The following ROBO1 variants were observed in gnomAD, a reference collection of about 807,000 sequenced individuals.
ROBO1 encodes the protein roundabout homolog 1.
A neutral mutation model predicts 195.9 loss-of-function variants in ROBO1; 149 were observed. That is an observed-to-expected ratio of 0.76 (90% CI 0.67 to 0.87). The LOEUF is 0.87. Ranked by LOEUF, ROBO1 falls within the 40% of genes least tolerant of loss-of-function variation. The pLI is 0.00. For missense variants in ROBO1, 1,933 were observed against 2,068.3 expected (o/e 0.93, Z 1.27); for synonymous variants, 816 against 733.2 (o/e 1.11, Z -1.82).
intron 2 of ROBO1, among the ~76,000 whole-genome samples, chr3:79,169,657 T>A (rs1373370526): frequency 6.6e-6 from 1 of 152,178 alleles, no homozygotes; most frequent in African/African-American, 2.4e-5. Flanking sequence ...GGTTAAATTG[T>A]GTAAGTACTT....
intron 3 of ROBO1, among the ~76,000 whole-genome samples, chr3:78,975,158 C>A (rs2076857535): frequency 6.6e-6 from 1 of 152,072 alleles, no homozygotes; most frequent in Non-Finnish European, 1.5e-5. Flanking sequence ...ACGGGTCCTG[C>A]CTCTAAAAAG....
chr3:79,100,719 T>C (rs2079660313), intron 3 of ROBO1, among the ~76,000 whole-genome samples: 1 of 151,860 alleles, frequency 6.6e-6, no homozygotes. Flanking sequence ...TGGGCTTTTG[T>C]GCTCATCTGA....
intron 2 of ROBO1, among the ~76,000 whole-genome samples, chr3:79,144,415 T>C (rs2080598115): frequency 6.6e-6 from 1 of 151,972 alleles, no homozygotes; most frequent in South Asian, 2.1e-4. Flanking sequence ...TTGCTTCCTT[T>C]TTCCCCTACT....
intron 2 of ROBO1, among the ~76,000 whole-genome samples, chr3:79,198,721 T>A (rs1246874801): frequency 6.6e-6 from 1 of 152,096 alleles, no homozygotes; most frequent in Non-Finnish European, 1.5e-5. Flanking sequence ...CCTTGAGCAG[T>A]GGTTTGTAGT....
chr3:78,815,700 G>C (rs2084879937), intron 4 of ROBO1, among the ~76,000 whole-genome samples: 1 of 152,092 alleles, frequency 6.6e-6, no homozygotes, highest in African/African-American at 2.4e-5. Context: ...CACTTTCTTT[G>C]CTCATCCATA....
At chr3:79,462,266 C>T (rs766245744) in intron 2 of ROBO1, among the ~76,000 whole-genome samples, 8 of 152,010 alleles carry the variant, frequency 5.3e-5, no homozygotes, top group Admixed American at 1.3e-4. Context: ...CCAGATGCAA[C>T]GGGGCAGAAA....
At chr3:79,566,683 G>A (rs570342329) in intron 2 of ROBO1, among the ~76,000 whole-genome samples, 11 of 152,092 alleles carry the variant, frequency 7.2e-5, no homozygotes, top group South Asian at 4.1e-4. Context: ...ATATAAAACA[G>A]TGATATGCCT....
rs1280537647 is a variant in ROBO1 at position 78,936,562 on chromosome 3, G to C, written c.499+2039C>G. On this transcript the variant is annotated intron_variant, in intron 4 of 30. Transcript: ENST00000464233. The stretch of plus-strand genomic sequence containing the variant: ...AAATGATAGTATCTATACTGAATAT[G>C]TATGGTCTTTTTTTCCCTTGCGATT... Among the ~76,000 whole-genome samples the C allele has an allele frequency of 1.5e-4, 23 of 152,046 alleles. 1 individual carries two copies. Among genetic ancestry groups the C allele is most frequent in the African/African-American group, 2.4e-5 (1 of 41,454 alleles).
chr3:79,211,999 G>C (rs578111022), intron 2 of ROBO1, among the ~76,000 whole-genome samples: 1 of 152,112 alleles, frequency 6.6e-6, no homozygotes, highest in South Asian at 2.1e-4. Context: ...TATTCCTTAC[G>C]GGAAACAAAG....
At chr3:79,633,772 A>G (rs1213870243) in intron 1 of ROBO1, among the ~76,000 whole-genome samples, 2 of 152,050 alleles carry the variant, frequency 1.3e-5, no homozygotes, top group South Asian at 2.1e-4. Context: ...CCCATAGTCA[A>G]TTTTCAAAAT....
At chr3:79,383,622 C>T (rs2036642508) in intron 2 of ROBO1, among the ~76,000 whole-genome samples, 1 of 151,972 alleles carries the variant, frequency 6.6e-6, no homozygotes, top group Admixed American at 6.6e-5. Flanking sequence ...ACTTCCTGCA[C>T]CATGCATTCC....
intron 4 of ROBO1, among the ~76,000 whole-genome samples, chr3:78,893,740 G>A (rs1168489658): frequency 1.5e-4 from 23 of 151,276 alleles, no homozygotes; most frequent in Non-Finnish European, 2.9e-4. Flanking sequence ...GCTTTTTTTC[G>A]AATTTCATAA....
At chr3:79,744,430 T>C (rs1703781779) in intron 1 of ROBO1, among the ~76,000 whole-genome samples, 1 of 152,174 alleles carries the variant, frequency 6.6e-6, no homozygotes. Flanking sequence ...AACCATAATC[T>C]CCATGTGATG....
intron 2 of ROBO1, among the ~76,000 whole-genome samples, chr3:79,314,664 TACTC>T (rs1024999573): frequency 6.6e-6 from 1 of 152,218 alleles, no homozygotes; most frequent in Non-Finnish European, 1.5e-5. Context: ...TTTCCACAAA[TACTC>T]ACTGTGCAAC....
At chr3:79,503,728 C>T (rs1227154291) in intron 2 of ROBO1, among the ~76,000 whole-genome samples, 1 of 152,126 alleles carries the variant, frequency 6.6e-6, no homozygotes, top group Non-Finnish European at 1.5e-5. Context: ...TGTTTTCAGT[C>T]TACTATATAA....
intron 4 of ROBO1, among the ~76,000 whole-genome samples, chr3:78,752,743 T>C (rs1165513819): frequency 1.3e-5 from 2 of 152,144 alleles, no homozygotes; most frequent in African/African-American, 4.8e-5. Context: ...TACAACACCA[T>C]CTTCTAAAGC....
intron 8 of ROBO1, among the ~76,000 whole-genome samples, chr3:78,712,442 A>G (rs920483338): frequency 2.6e-5 from 4 of 152,164 alleles, no homozygotes; most frequent in African/African-American, 7.2e-5. Flanking sequence ...AGACGAAAAA[A>G]GGCATATCTT....
intron 2 of ROBO1, among the ~76,000 whole-genome samples, chr3:79,192,508 T>G (rs1436722241): frequency 4.0e-5 from 6 of 151,698 alleles, no homozygotes; most frequent in African/African-American, 1.5e-4. Context: ...AAATGAGGTA[T>G]GAGCTGAGAT....
At chr3:78,703,039 G>GT (rs2081457253) in intron 8 of ROBO1, among the ~76,000 whole-genome samples, 2 of 152,002 alleles carry the variant, frequency 1.3e-5, no homozygotes, top group African/African-American at 4.8e-5. Context: ...ATTTATATCT[G>GT]TTTTTTTGAA....
Sources: allele counts gnomAD v4.1 joint callset (sites outside exome capture counted in the v4.1 genomes callset), GRCh38; gene constraint gnomAD v4.1.1; transcripts MANE v1.5; gene names NCBI Gene and HGNC (gene_info 2026-07-23, HGNC 2026-07-21).